NPAS3: variants seen among roughly 807,000 people sequenced by gnomAD.
NPAS3 encodes neuronal PAS domain protein 3, also known as neuronal PAS domain-containing protein 3.
Under a neutral mutation model 73.1 loss-of-function variants are expected in NPAS3, and 14 were observed. That is an observed-to-expected ratio of 0.19 (90% CI 0.13 to 0.30). NPAS3 has a LOEUF of 0.30. Among genes scored for constraint, NPAS3 ranks in the 10% least tolerant of loss-of-function variants. NPAS3 has a pLI of 1.00. For missense variants in NPAS3, 1,096 were observed against 1,250.0 expected (o/e 0.88, Z 1.86); for synonymous variants, 620 against 541.5 (o/e 1.14, Z -2.01).
At chr14:33,580,361 T>A (rs917340909) in intron 5 of NPAS3, among the ~76,000 whole-genome samples, 1 of 152,216 alleles carries the variant, frequency 6.6e-6, no homozygotes, top group Admixed American at 6.5e-5. Flanking sequence ...TTGTTTGCTA[T>A]GAACCTAATC....
At chr14:33,787,055 A>G (rs2138583426) in intron 9 of NPAS3, among the ~76,000 whole-genome samples, 1 of 151,960 alleles carries the variant, frequency 6.6e-6, no homozygotes, top group African/African-American at 2.4e-5. Context: ...TCCCCCCCCA[A>G]AAGAGAAGGT....
intron 2 of NPAS3, 61 bp downstream of exon 2, chr14:33,056,055 G>C (rs1228748569): frequency 1.4e-6 from 1 of 724,264 alleles, no homozygotes; most frequent in Non-Finnish European, 2.4e-6. Flanking sequence ...GTGGTTGCCA[G>C]CTATTCAAAA....
chr14:33,407,915 A>G (rs1048168778), intron 4 of NPAS3, among the ~76,000 whole-genome samples: 1 of 152,182 alleles, frequency 6.6e-6, no homozygotes, highest in Non-Finnish European at 1.5e-5. Context: ...GCCTCCAATA[A>G]TTCTCTCACG....
chr14:33,218,678 A>G (rs2047314202), intron 3 of NPAS3, among the ~76,000 whole-genome samples: 1 of 152,208 alleles, frequency 6.6e-6, no homozygotes. Context: ...ATGTACTTAC[A>G]TTGTGGTGGC....
At chr14:33,101,288 T>G (rs1170985861) in intron 2 of NPAS3, among the ~76,000 whole-genome samples, 1 of 152,206 alleles carries the variant, frequency 6.6e-6, no homozygotes, top group Non-Finnish European at 1.5e-5. Flanking sequence ...TTACTGGGAC[T>G]CTTAGCAGAT....
intron 1 of NPAS3, among the ~76,000 whole-genome samples, chr14:32,966,475 A>G (rs2037163636): frequency 6.6e-6 from 1 of 152,216 alleles, no homozygotes; most frequent in East Asian, 1.9e-4. Flanking sequence ...AGGAAATGGT[A>G]CTAGGAAAAC....
intron 4 of NPAS3, among the ~76,000 whole-genome samples, chr14:33,463,212 G>C (rs2050355659): frequency 6.6e-6 from 1 of 152,080 alleles, no homozygotes; most frequent in Non-Finnish European, 1.5e-5. Context: ...CCAAAAATAA[G>C]AGCCAAAGCC....
chr14:32,954,113 C>T (rs1256466749), intron 1 of NPAS3, among the ~76,000 whole-genome samples: 2 of 152,152 alleles, frequency 1.3e-5, no homozygotes, highest in Admixed American at 6.5e-5. Context: ...ACAAAGTCAA[C>T]AATTTGGAGA....
At chr14:33,431,632 A>G (rs1043733161) in intron 4 of NPAS3, among the ~76,000 whole-genome samples, 1 of 152,188 alleles carries the variant, frequency 6.6e-6, no homozygotes, top group Non-Finnish European at 1.5e-5. Context: ...ATAAATGTCA[A>G]TATCTTCTTT....
intron 1 of NPAS3, among the ~76,000 whole-genome samples, chr14:33,009,312 G>A (rs915622437): frequency 2.6e-5 from 4 of 152,170 alleles, no homozygotes; most frequent in Non-Finnish European, 5.9e-5. Context: ...AGTATGGAAA[G>A]CAGATTAGGG....
At chr14:33,775,711 T>C (rs2062792236) in intron 8 of NPAS3, among the ~76,000 whole-genome samples, 1 of 152,206 alleles carries the variant, frequency 6.6e-6, no homozygotes, top group Non-Finnish European at 1.5e-5. Context: ...TCAAATTTTG[T>C]TGGCATTTAT....
intron 5 of NPAS3, among the ~76,000 whole-genome samples, chr14:33,597,827 T>G (rs546265008): frequency 2.0e-5 from 3 of 152,220 alleles, no homozygotes; most frequent in African/African-American, 7.2e-5. Context: ...TGAATTGGAA[T>G]TTTTCATGTG....
intron 2 of NPAS3, among the ~76,000 whole-genome samples, chr14:33,105,307 A>G (rs781188889): frequency 5.3e-5 from 8 of 152,192 alleles, no homozygotes; most frequent in Non-Finnish European, 1.0e-4. Context: ...AGCCTGAAGT[A>G]TGACCTATTC....
chr14:33,508,076 A>C (rs1399111341), intron 4 of NPAS3, among the ~76,000 whole-genome samples: 1 of 152,056 alleles, frequency 6.6e-6, no homozygotes, highest in Non-Finnish European at 1.5e-5. Flanking sequence ...TCAATCTCCT[A>C]GTCTCCATAG....
At chr14:33,179,169 T>C (rs2045706007) in intron 2 of NPAS3, among the ~76,000 whole-genome samples, 1 of 152,150 alleles carries the variant, frequency 6.6e-6, no homozygotes, top group Non-Finnish European at 1.5e-5. Flanking sequence ...GGTCTAATTA[T>C]GTTAATATGA....
chr14:33,098,847 A>T (rs955864061), intron 2 of NPAS3, among the ~76,000 whole-genome samples: 1 of 152,248 alleles, frequency 6.6e-6, no homozygotes, highest in Non-Finnish European at 1.5e-5. Context: ...GTGGGATATG[A>T]AAACTGCTAT....
intron 2 of NPAS3, among the ~76,000 whole-genome samples, chr14:33,106,916 C>T (rs1279329): frequency 0.52 from 78,396 of 151,872 alleles, 20,673 homozygotes; most frequent in East Asian, 0.73. Context: ...CATCTGAAAA[C>T]AGGTATGTGT....
At chr14:33,035,903 C>A (rs532886393) in intron 1 of NPAS3, among the ~76,000 whole-genome samples, 37 of 152,228 alleles carry the variant, frequency 2.4e-4, no homozygotes, top group African/African-American at 8.9e-4. Context: ...ATAGAATTGT[C>A]ACATGGGAGG....
At chr14:33,462,699 C>A (rs2050328197) in intron 4 of NPAS3, among the ~76,000 whole-genome samples, 1 of 152,148 alleles carries the variant, frequency 6.6e-6, no homozygotes, top group Non-Finnish European at 1.5e-5. Context: ...GCCTAAGGCA[C>A]CCGGGAAGAC....
Sources: gnomAD v4.1 joint callset for allele counts (sites outside exome capture counted in the v4.1 genomes callset) on GRCh38, gnomAD v4.1.1 for gene constraint, MANE v1.5 for transcripts, NCBI Gene and HGNC (gene_info 2026-07-23, HGNC 2026-07-21) for gene names.